FADS6: variants seen among roughly 807,000 people sequenced by gnomAD.
The protein encoded by FADS6 is fatty acid desaturase 6.
In FADS6, 28 loss-of-function variants were observed where a neutral mutation model predicts 31.7. The observed-to-expected ratio is 0.88, with a 90% confidence interval of 0.66 to 1.21. The LOEUF (loss-of-function observed/expected upper bound fraction) is 1.21. Ranked by LOEUF, FADS6 falls within the 50% of genes most tolerant of loss-of-function variation. FADS6 has a pLI of 0.00. For synonymous variants in FADS6, 191 were observed against 213.1 expected (o/e 0.90, Z 0.90); for missense variants, 494 against 504.2 (o/e 0.98, Z 0.19).
intron 2 of FADS6, 75 bp downstream of exon 2, chr17:74,892,448 C>A: frequency 6.6e-7 from 1 of 1,517,276 alleles, no homozygotes; most frequent in Non-Finnish European, 8.9e-7. Flanking sequence ...TGGACACACC[C>A]GCATGCTCGA....
At position 74,878,191 on chromosome 17, in the gene FADS6, C is replaced by G; in HGVS notation, c.*140G>C. The G allele has an allele frequency of 6.9e-7, 1 of 1,438,900 alleles. No homozygotes were observed. The highest frequency in any genetic ancestry group is 9.1e-7 in the Non-Finnish European group (1 of 1,100,678). The allele number at this position is 1,438,900 out of a possible 1,614,324, so 89.1% of individuals were successfully genotyped here. On this transcript the variant is annotated 3_prime_UTR_variant, in exon 6 of 6. Transcript: ENST00000612771. Reference sequence around the variant, plus strand: ...GGCCCCCAGACCCCAGGCCTGAGCTCCCCTGCCCCCCTGCCTGGCCGGTGC... The same window carrying G: ...GGCCCCCAGACCCCAGGCCTGAGCTGCCCTGCCCCCCTGCCTGGCCGGTGC...
At chr17:74,878,506 A>G (rs1181650821) in intron 5 of FADS6, 29 bp from the exon 6 acceptor site, 1 of 1,611,182 alleles carries the variant, frequency 6.2e-7, no homozygotes, top group African/African-American at 1.3e-5. Context: ...GAGAGGGCCT[A>G]TGAGCAGGGG....
At chr17:74,882,785 C>T (rs1011199324) in intron 2 of FADS6, 75 bp from the exon 3 acceptor site, 9 of 1,544,270 alleles carry the variant, frequency 5.8e-6, no homozygotes, top group East Asian at 4.9e-5. Flanking sequence ...TTTGAGAGCC[C>T]GGAGAACACC....
chr17:74,880,259 C>A (rs1040733313), intron 4 of FADS6, among the ~76,000 whole-genome samples: 1 of 152,158 alleles, frequency 6.6e-6, no homozygotes, highest in Non-Finnish European at 1.5e-5. Context: ...TTTCTCGGGG[C>A]AGGCACTAGG....
At chr17:74,885,982 G>C (rs1477779195) in intron 2 of FADS6, among the ~76,000 whole-genome samples, 1 of 152,140 alleles carries the variant, frequency 6.6e-6, no homozygotes, top group Non-Finnish European at 1.5e-5. Flanking sequence ...GCTCACGCCT[G>C]TAATCTCAGC....
At chr17:74,880,687 C>T (rs768111192) in intron 4 of FADS6, among the ~76,000 whole-genome samples, 1 of 152,120 alleles carries the variant, frequency 6.6e-6, no homozygotes, top group Non-Finnish European at 1.5e-5. Flanking sequence ...GAATGATCCT[C>T]AGAGCAGGGG....
Position 74,881,114 on chromosome 17 carries a change from G to A in FADS6, c.734C>T (p.Thr245Ile), listed in dbSNP as rs1365154666. 6.2e-7 allele frequency: 1 copy of A among 1,613,752 alleles called. No individual in the cohort carries two copies. Among genetic ancestry groups the A allele is most frequent in the African/African-American group, 1.3e-5 (1 of 75,046 alleles). The part of the protein sequence containing the change: ...PSSALGCMFL[T>I]RSLLAHPYLH... ...GTAGGGGTGGGCCAACAGGGATCTG[G>A]TGAGGAACATGCAGCCCAGGGCTGA... The change falls in exon 4 of 6, where the codon ACC becomes ATC. Residue 245 changes from threonine to isoleucine, a missense_variant. By Grantham distance (89) the Thr-to-Ile change is moderately conservative. This residue lies in a region of FADS6 where 454 missense variants were observed against 438.5 expected (regional missense o/e 1.04). Coordinates refer to ENST00000612771, the MANE Select transcript of FADS6 (RefSeq NM_178128.6).
chr17:74,878,624 AG>A, intron 5 of FADS6, 147 bp from the exon 6 acceptor site: 1 of 976,796 alleles, frequency 1.0e-6, no homozygotes, highest in South Asian at 1.7e-5. Context: ...GAAGGGCTTA[AG>A]TCAGAGAATT....
At position 74,893,415 on chromosome 17, in the gene FADS6, A is replaced by G. The variant is rs1315756483; in HGVS notation, c.181T>C (p.Trp61Arg). The G allele has an allele frequency of 8.3e-6, 13 of 1,559,828 alleles. No homozygotes were observed. Among genetic ancestry groups the G allele is most frequent in the Admixed American group, 1.9e-5 (1 of 52,682 alleles). Residue 61 changes from tryptophan (W) to arginine (R), a missense_variant, in exon 1 of 6, where the codon TGG becomes CGG. By Grantham distance (101) the Trp-to-Arg change is moderately radical (BLOSUM62 -3). Coordinates refer to ENST00000612771, the MANE Select transcript of FADS6 (RefSeq NM_178128.6). ...CAGTCCACGCCGTGGCGCTCCCACC[A>G]GGAGCTCGTCCTCACCACGTCCTGC... ...LVQDVVRTSS[W>R]WERHGVDCAI...
chr17:74,882,467 G>A lies in FADS6; in HGVS notation c.592+63C>T. 5 of 1,516,270 alleles carry A rather than the reference G, an allele frequency of 3.3e-6. No homozygotes were observed. The South Asian group carries it at 5.1e-5, about 16-fold the overall frequency. The allele number at this position is 1,516,270 out of a possible 1,614,324, so 93.9% of individuals were successfully genotyped here. On this transcript the variant is annotated intron_variant, in intron 3 of 5. Coordinates refer to ENST00000612771, the MANE Select transcript of FADS6 (RefSeq NM_178128.6). Reference sequence around the variant, plus strand: ...AGCAGCCTCCATGAAGCCACGCAGGGGAGGAGAGCAGGGGAACTAGGTCCA... The same window carrying A: ...AGCAGCCTCCATGAAGCCACGCAGGAGAGGAGAGCAGGGGAACTAGGTCCA...
intron 2 of FADS6, among the ~76,000 whole-genome samples, chr17:74,883,838 T>C (rs553833162): frequency 5.9e-5 from 9 of 152,068 alleles, no homozygotes; most frequent in Non-Finnish European, 1.2e-4. Context: ...TGGCTAATTT[T>C]TGTATTTTTA....
chr17:74,887,832 T>C (rs1285422464), intron 2 of FADS6, among the ~76,000 whole-genome samples: 2 of 152,206 alleles, frequency 1.3e-5, no homozygotes, highest in Non-Finnish European at 2.9e-5. Flanking sequence ...ACTACAGGCG[T>C]GTGCCACCAC....
At chr17:74,892,416 C>T (rs1567930306) in intron 2 of FADS6, 107 bp downstream of exon 2, 13 of 1,341,982 alleles carry the variant, frequency 9.7e-6, no homozygotes, top group Non-Finnish European at 1.2e-5. Flanking sequence ...CAGCGGCCTG[C>T]CCCCGTGGGC....
chr17:74,888,953 C>T (rs549166209), intron 2 of FADS6, among the ~76,000 whole-genome samples: 1 of 152,302 alleles, frequency 6.6e-6, no homozygotes, highest in South Asian at 2.1e-4. Context: ...CAGGGCTGGG[C>T]AGGTACTCTC....
chr17:74,882,755 C>T (rs766907842), intron 2 of FADS6, 45 bp from the exon 3 acceptor site: 1 of 1,576,822 alleles, frequency 6.3e-7, no homozygotes, highest in South Asian at 1.2e-5. Context: ...CTGTCAGGCA[C>T]AGTTGAGCAA....
At chr17:74,880,547 GT>G (rs1171433956) in intron 4 of FADS6, among the ~76,000 whole-genome samples, 1 of 151,866 alleles carries the variant, frequency 6.6e-6, no homozygotes, top group African/African-American at 2.4e-5. Flanking sequence ...TAGAGACAGG[GT>G]TTTACCATGT....
chr17:74,890,112 A>G (rs114542638), intron 2 of FADS6, among the ~76,000 whole-genome samples: 1 of 152,296 alleles, frequency 6.6e-6, no homozygotes, highest in African/African-American at 2.4e-5. Flanking sequence ...TGAATTAAGT[A>G]ACTTGCTCAA....
intron 4 of FADS6, among the ~76,000 whole-genome samples, chr17:74,880,231 G>T (rs557532361): frequency 1.3e-5 from 2 of 152,092 alleles, no homozygotes; most frequent in Admixed American, 1.3e-4. Context: ...GAGGAATTCC[G>T]TCTCCAGTTC....
intron 4 of FADS6, among the ~76,000 whole-genome samples, chr17:74,880,784 T>G (rs368674557): frequency 6.6e-6 from 1 of 152,348 alleles, no homozygotes; most frequent in African/African-American, 2.4e-5. Flanking sequence ...CCGAAGCTCC[T>G]GTTCACCCCT....
Sources: allele counts gnomAD v4.1 joint callset (sites outside exome capture counted in the v4.1 genomes callset), GRCh38; gene constraint gnomAD v4.1.1; regional missense constraint gnomAD v4.1.1; transcripts MANE v1.5; gene names NCBI Gene and HGNC (gene_info 2026-07-23, HGNC 2026-07-21).